Variants in HK1 observed in about 807,000 individuals in gnomAD.
The protein encoded by HK1 is hexokinase 1, also known as hexokinase-1.
Under a neutral mutation model 91.6 loss-of-function variants are expected in HK1, and 28 were observed. That is an observed-to-expected ratio of 0.31 (90% confidence interval 0.23 to 0.42). The LOEUF (loss-of-function observed/expected upper bound fraction) is 0.42, where lower values mean the gene tolerates loss of function less well. HK1 is among the 10% of genes least tolerant of loss of function. The pLI is 1.00. For missense variants in HK1, 770 were observed against 1,219.8 expected, an observed-to-expected ratio of 0.63 and a Z score of 5.49; for synonymous variants, 430 against 468.1, an observed-to-expected ratio of 0.92 and a Z score of 1.05.
At chr10:69,353,539 G>A (rs2132727673) in intron 2 of HK1, among the ~76,000 whole-genome samples, 1 of 151,562 alleles carries the variant, frequency 6.6e-6, no homozygotes, top group East Asian at 1.9e-4. Flanking sequence ...GCTGCAGTAA[G>A]CTGTGATCAT....
chr10:69,393,847 A>G (rs746341664), intron 15 of HK1, among the ~76,000 whole-genome samples: 8 of 152,214 alleles, frequency 5.3e-5, no homozygotes, highest in African/African-American at 9.6e-5. Context: ...GGTTGAGACC[A>G]CCCTGGGCAA....
chr10:69,318,706 A>G (rs1337445289), upstream of HK1: 2 of 657,982 alleles, frequency 3.0e-6, no homozygotes, highest in Non-Finnish European at 4.5e-6. Context: ...GGCGTTGCAG[A>G]GGCGCGCCGC....
rs773954502 is a variant in HK1 at position 69,395,008 on chromosome 10, G to A, written c.2278G>A (p.Asp760Asn). 12 of 1,613,908 alleles carry A rather than the reference G, an allele frequency of 7.4e-6. No individual in the cohort carries two copies. Among genetic ancestry groups the A allele is most frequent in the Admixed American group, 6.7e-5 (4 of 59,996 alleles). Residue 760 changes from aspartate to asparagine, a missense_variant, in exon 16 of 18, where the codon GAC becomes AAC. By Grantham distance (23) the Asp-to-Asn change is conservative. Around this residue, in one of 7 missense-constraint regions of HK1, gnomAD observed 25 missense variants for 74.1 expected, o/e 0.34. Coordinates refer to ENST00000359426, the MANE Select transcript of HK1 (RefSeq NM_000188.3). Reference protein sequence around the residue: ...LGEIVRNILIDFTKKGFLFRG... With the variant: ...LGEIVRNILINFTKKGFLFRG... Reference sequence around the variant, plus strand: ...TGAAATCGTCCGCAACATCTTAATCGACTTCACCAAGAAGGGATTCCTCTT... The same window carrying A: ...TGAAATCGTCCGCAACATCTTAATCAACTTCACCAAGAAGGGATTCCTCTT...
intron 16 of HK1, among the ~76,000 whole-genome samples, chr10:69,396,298 GA>G (rs1426669612): frequency 7.5e-5 from 11 of 147,472 alleles, no homozygotes; most frequent in African/African-American, 1.2e-4. Context: ...AGAAAGAAAA[GA>G]AAAAAAATAT....
intron 1 of HK1, among the ~76,000 whole-genome samples, chr10:69,280,366 C>A (rs1844681338): frequency 1.3e-5 from 2 of 152,186 alleles, no homozygotes; most frequent in South Asian, 4.1e-4. Flanking sequence ...ATTTGCCCAC[C>A]TCGGCCTCCC....
chr10:69,310,195 C>T (rs1329972035), intron 5 of HK1, among the ~76,000 whole-genome samples: 1 of 150,324 alleles, frequency 6.7e-6, no homozygotes, highest in Non-Finnish European at 1.5e-5. Context: ...CCAAGGCAGG[C>T]AGATCACTTG....
At chr10:69,316,376 T>C (rs1252065836), upstream of HK1, among the ~76,000 whole-genome samples, 1 of 152,224 alleles carries the variant, frequency 6.6e-6, no homozygotes. Context: ...ATGACTTGGA[T>C]GGCATGAGGC....
intron 15 of HK1, 50 bp from the exon 16 acceptor site, chr10:69,394,900 T>G: frequency 6.2e-7 from 1 of 1,600,518 alleles, no homozygotes; most frequent in Non-Finnish European, 8.6e-7. Flanking sequence ...GGGGTGACAG[T>G]TCTCCTGGCC....
intron 1 of HK1, among the ~76,000 whole-genome samples, chr10:69,326,387 C>T (rs1056817985): frequency 6.6e-6 from 1 of 152,158 alleles, no homozygotes; most frequent in East Asian, 1.9e-4. Context: ...CATCCTGCTG[C>T]CTGCCTTGTG....
At chr10:69,309,474 C>A (rs1846257700) in intron 5 of HK1, among the ~76,000 whole-genome samples, 1 of 131,108 alleles carries the variant, frequency 7.6e-6, no homozygotes, top group African/African-American at 3.0e-5. Flanking sequence ...AGCCACCGCG[C>A]CTGGCATGAC....
At chr10:69,351,337 G>A (rs1298713698) in intron 2 of HK1, among the ~76,000 whole-genome samples, 7 of 151,028 alleles carry the variant, frequency 4.6e-5, no homozygotes, top group Non-Finnish European at 7.4e-5. Context: ...GTGAAACCTC[G>A]TCTCTACTAA....
rs780258617 is a variant in HK1 at position 69,379,887 on chromosome 10, A to C, written c.1057A>C (p.Lys353Gln). The change falls in exon 9 of 18, where the codon AAA becomes CAA. Residue 353 changes from lysine (K) to glutamine (Q), a missense_variant. Around this residue, in one of 7 missense-constraint regions of HK1, gnomAD observed 449 missense variants for 665.1 expected, o/e 0.68. Coordinates refer to ENST00000359426, the MANE Select transcript of HK1 (RefSeq NM_000188.3). ...EKNKEGLHNAKEILTRLGVEP... is the reference protein window; with the variant it reads ...EKNKEGLHNAQEILTRLGVEP... Reference sequence around the variant, plus strand: ...GAATAAGGAAGGCCTCCACAATGCCAAAGAAATCCTGACCCGCCTGGGAGT... The same window carrying C: ...GAATAAGGAAGGCCTCCACAATGCCCAAGAAATCCTGACCCGCCTGGGAGT... 65 of 1,613,946 alleles carry C rather than the reference A, an allele frequency of 4.0e-5. No individual in the cohort carries two copies. The highest frequency in any genetic ancestry group is 3.3e-4 in the Middle Eastern group (2 of 6,082).
intron 4 of HK1, among the ~76,000 whole-genome samples, chr10:69,297,242 G>A (rs989467703): frequency 6.6e-6 from 1 of 152,136 alleles, no homozygotes; most frequent in Non-Finnish European, 1.5e-5. Flanking sequence ...AAAATCATAA[G>A]GAAGAGAGAT....
In HK1 at chr10:69,292,221, C is replaced by T. The variant is rs182926150; in HGVS notation, c.-114-3412C>T. On this transcript the variant is annotated intron_variant, in intron 3 of 21. Transcript: ENST00000360289. ...AAGTAGCTGGGACTAGAGGCGTGTGCCCCCACAACCAGCCAGTTTTTAATT... is the reference window on the plus strand; with the variant it reads ...AAGTAGCTGGGACTAGAGGCGTGTGTCCCCACAACCAGCCAGTTTTTAATT... 10 of 318,880 alleles carry T rather than the reference C, an allele frequency of 3.1e-5. No homozygotes were observed. In the East Asian group the frequency reaches 1.1e-3, roughly 35 times the overall value. 19.8% of individuals were successfully genotyped at this position (318,880 alleles called of 1,614,324 possible).
chr10:69,343,829 T>C lies in HK1; in HGVS notation c.66T>C (p.Ile22=). The change falls in exon 2 of 18, where the codon ATT becomes ATC. Residue 22 remains isoleucine, a splice_region_variant and synonymous_variant. Coordinates refer to ENST00000359426, the MANE Select transcript of HK1 (RefSeq NM_000188.3). The part of the protein sequence containing the change: ...TELKDDQVKK[I]DKYLYAMRLS... ...CCTTCCTTCTCATCCCCCTCCAGAT[T>C]GACAAGTATCTCTATGCCATGCGGC... is the stretch of plus-strand genomic sequence containing the variant. 6.2e-7 allele frequency: 1 copy of C among 1,612,742 alleles called. No individual in the cohort carries two copies. Among genetic ancestry groups the C allele is most frequent in the Non-Finnish European group, 8.5e-7 (1 of 1,178,794 alleles).
intron 1 of HK1, among the ~76,000 whole-genome samples, chr10:69,342,274 T>C (rs1848331761): frequency 6.6e-6 from 1 of 152,228 alleles, no homozygotes; most frequent in African/African-American, 2.4e-5. Flanking sequence ...GGGAGCCTTC[T>C]GTGTGCAAGG....
chr10:69,310,624 T>G (rs1846327247), intron 5 of HK1, among the ~76,000 whole-genome samples: 1 of 152,136 alleles, frequency 6.6e-6, no homozygotes, highest in African/African-American at 2.4e-5. Context: ...TTTGAAGAGA[T>G]TATTCTGAGC....
chr10:69,290,257 G>A, intron 3 of HK1, among the ~76,000 whole-genome samples: 1 of 151,148 alleles, frequency 6.6e-6, no homozygotes, highest in South Asian at 2.1e-4. Flanking sequence ...ACTTTCCCCT[G>A]GTCAGCCCTT....
At chr10:69,294,028 A>AT (rs1377584260) in intron 3 of HK1, among the ~76,000 whole-genome samples, 4 of 151,162 alleles carry the variant, frequency 2.6e-5, no homozygotes, top group South Asian at 4.2e-4. Flanking sequence ...CGCCCGGCTG[A>AT]TTTTTTGTAT....
Sources: allele counts gnomAD v4.1 joint callset (sites outside exome capture counted in the v4.1 genomes callset), GRCh38; gene constraint gnomAD v4.1.1; regional missense constraint gnomAD v4.1.1; transcripts MANE v1.5; gene names NCBI Gene and HGNC (gene_info 2026-07-23, HGNC 2026-07-21).